Variants in LUZP2 observed in about 807,000 individuals in gnomAD.
The protein encoded by LUZP2 is leucine zipper protein 2.
A neutral mutation model predicts 51.6 loss-of-function variants in LUZP2; 52 were observed. That is an observed-to-expected ratio of 1.01 (90% CI 0.81 to 1.27). The LOEUF (loss-of-function observed/expected upper bound fraction) is 1.27, where lower values mean the gene tolerates loss of function less well. Ranked by LOEUF, LUZP2 falls within the 50% of genes most tolerant of loss-of-function variation. The probability of loss-of-function intolerance (pLI) is 0.00; values close to 1 mark genes in which losing one functional copy is unlikely to be tolerated. For missense variants in LUZP2, 436 were observed against 395.4 expected (o/e 1.10, Z -0.87); for synonymous variants, 154 against 137.3 (o/e 1.12, Z -0.85).
chr11:24,933,217 C>G (rs1854503444), intron 7 of LUZP2, among the ~76,000 whole-genome samples: 1 of 152,118 alleles, frequency 6.6e-6, no homozygotes, highest in Admixed American at 6.6e-5. Context: ...TTCAAAGTAT[C>G]TGGGGATTCT....
chr11:24,997,823 T>C (rs77230196), intron 9 of LUZP2, among the ~76,000 whole-genome samples: 8,063 of 152,118 alleles, frequency 0.053, 268 homozygotes, highest in Non-Finnish European at 0.084. Context: ...GATCCAGTTT[T>C]AGCTTTCTAC....
chr11:24,643,215 C>T (rs1855353642), intron 1 of LUZP2, among the ~76,000 whole-genome samples: 1 of 141,020 alleles, frequency 7.1e-6, no homozygotes. Context: ...TCAAGACCAG[C>T]CTGGCCAACA....
rs190150148 is a variant in LUZP2, at chr11:24,660,858, T to C, written c.63-68311T>C. Reference sequence around the variant, plus strand: ...AATGGGCTTCTTATGATAAAAGATATGAAATAATACTGCTTATATAATGAC... The same window carrying C: ...AATGGGCTTCTTATGATAAAAGATACGAAATAATACTGCTTATATAATGAC... On this transcript the variant is annotated intron_variant, in intron 1 of 11. Coordinates refer to ENST00000336930, the MANE Select transcript of LUZP2 (RefSeq NM_001009909.4). Among the ~76,000 whole-genome samples, 572 of 152,282 alleles carry C rather than the reference T, an allele frequency of 3.8e-3. 4 individuals carry two copies. The highest frequency in any genetic ancestry group is 0.01 in the Middle Eastern group (3 of 294).
At chr11:24,818,943 G>A (rs1461865017) in intron 5 of LUZP2, among the ~76,000 whole-genome samples, 1 of 151,974 alleles carries the variant, frequency 6.6e-6, no homozygotes, top group Admixed American at 6.6e-5. Context: ...TTCATAGAAG[G>A]AGCTCAATAT....
intron 7 of LUZP2, among the ~76,000 whole-genome samples, chr11:24,957,735 G>T (rs567456022): frequency 6.6e-6 from 1 of 152,106 alleles, no homozygotes; most frequent in African/African-American, 2.4e-5. Flanking sequence ...TTTCTTTGAT[G>T]GTGAACACAG....
Position 24,738,245 on chromosome 11 carries a change from G to C in LUZP2, c.276G>C (p.Glu92Asp). 2 of 1,611,942 alleles carry C rather than the reference G, an allele frequency of 1.2e-6. No homozygotes were observed. The highest frequency in any genetic ancestry group is 1.7e-6 in the Non-Finnish European group (2 of 1,178,504). ...GAGAAGAAATGAAGTCTCTTCAGGA[G>C]GCCCTGCAAAATCAGCTTAAGGAGA... Reference protein sequence around the residue: ...KQREEMKSLQEALQNQLKETS... With the variant: ...KQREEMKSLQDALQNQLKETS... The change falls in exon 4 of 12, where the codon GAG becomes GAC. Residue 92 changes from glutamate (E) to aspartate (D), a missense_variant. Glu to Asp is a conservative substitution (Grantham distance 45, BLOSUM62 2). Coordinates refer to ENST00000336930, the MANE Select transcript of LUZP2 (RefSeq NM_001009909.4).
chr11:24,538,754 G>GT (rs1851264201), intron 1 of LUZP2, among the ~76,000 whole-genome samples: 1 of 151,468 alleles, frequency 6.6e-6, no homozygotes, highest in Admixed American at 6.6e-5. Context: ...GCAGAATCAC[G>GT]TAAGTAAAAT....
intron 5 of LUZP2, among the ~76,000 whole-genome samples, chr11:24,789,634 G>A (rs1849351792): frequency 1.3e-5 from 2 of 152,110 alleles, no homozygotes; most frequent in African/African-American, 4.8e-5. Context: ...TGTAAAATGG[G>A]TGGCTTATAA....
rs373552277 is a variant in LUZP2, at chr11:25,016,001, A to C, written c.765+32708A>C. ...AGTGGTGCAATCTCGGCTCACTGCA[A>C]GCTCCACCTCCCGGGTTCACGCCAT... On this transcript the variant is annotated intron_variant, in intron 9 of 11. Transcript: ENST00000336930. Among the ~76,000 whole-genome samples, 3 of 151,084 alleles carry C rather than the reference A, an allele frequency of 2.0e-5. No individual in the cohort carries two copies. The East Asian group carries it at 5.9e-4, about 30-fold the overall frequency.
chr11:24,810,450 T>A (rs1473948348), intron 5 of LUZP2, among the ~76,000 whole-genome samples: 1 of 152,160 alleles, frequency 6.6e-6, no homozygotes, highest in Non-Finnish European at 1.5e-5. Context: ...TGGAGGGTAT[T>A]CCACATAACC....
At chr11:24,910,404 C>T (rs74793009) in intron 6 of LUZP2, among the ~76,000 whole-genome samples, 1 of 152,114 alleles carries the variant, frequency 6.6e-6, no homozygotes, top group Non-Finnish European at 1.5e-5. Flanking sequence ...CCATCATATG[C>T]CCAGAGGTCT....
At chr11:24,888,184 C>A (rs1852732503) in intron 5 of LUZP2, among the ~76,000 whole-genome samples, 1 of 152,096 alleles carries the variant, frequency 6.6e-6, no homozygotes, top group Non-Finnish European at 1.5e-5. Context: ...TCAGCTGTCA[C>A]AAGAACTGTA....
At chr11:24,877,914 C>A (rs1852324450) in intron 5 of LUZP2, among the ~76,000 whole-genome samples, 1 of 152,094 alleles carries the variant, frequency 6.6e-6, no homozygotes, top group Non-Finnish European at 1.5e-5. Context: ...CCGGTACCAT[C>A]CATGTTGCTG....
At chr11:24,662,751 C>G (rs1450636687) in intron 1 of LUZP2, among the ~76,000 whole-genome samples, 1 of 151,828 alleles carries the variant, frequency 6.6e-6, no homozygotes, top group Non-Finnish European at 1.5e-5. Context: ...TTAAACATTT[C>G]TGGGAAAATA....
chr11:25,012,539 G>A (rs370783495), intron 9 of LUZP2, among the ~76,000 whole-genome samples: 11 of 152,226 alleles, frequency 7.2e-5, no homozygotes, highest in South Asian at 6.2e-4. Context: ...AGTCCTAAAT[G>A]TGATGACACC....
chr11:24,992,359 C>A (rs182153419), intron 9 of LUZP2, among the ~76,000 whole-genome samples: 243 of 152,038 alleles, frequency 1.6e-3, no homozygotes, highest in African/African-American at 5.6e-3. Context: ...GTGTCTGTGT[C>A]TATGTGTGAT....
chr11:24,560,944 C>T (rs1852020672), intron 1 of LUZP2, among the ~76,000 whole-genome samples: 1 of 152,008 alleles, frequency 6.6e-6, no homozygotes, highest in South Asian at 2.1e-4. Flanking sequence ...CCCTGAATCA[C>T]AGAAAAGAGG....
At chr11:24,669,168 C>T (rs1218599196) in intron 1 of LUZP2, among the ~76,000 whole-genome samples, 3 of 152,156 alleles carry the variant, frequency 2.0e-5, no homozygotes, top group Admixed American at 6.5e-5. Context: ...TTTACTTTAA[C>T]TTTCTCATCA....
At position 24,915,265 on chromosome 11, in the gene LUZP2, A is replaced by G. The variant is rs538551177; in HGVS notation, c.522+727A>G. ...GTTATGATTTATTTCATAGCTCAAC[A>G]GTGTCAACAAACCTCAGGTTTGTTT... On this transcript the variant is annotated intron_variant, in intron 7 of 11. Transcript: ENST00000336930. Among the ~76,000 whole-genome samples, 12 of 152,256 alleles carry G rather than the reference A, an allele frequency of 7.9e-5. No homozygotes were observed. In the South Asian group the frequency reaches 1.0e-3, roughly 13 times the overall value.
Sources: allele counts gnomAD v4.1 joint callset (sites outside exome capture counted in the v4.1 genomes callset), GRCh38; gene constraint gnomAD v4.1.1; transcripts MANE v1.5; gene names NCBI Gene and HGNC (gene_info 2026-07-23, HGNC 2026-07-21).